TRIM54: variants seen among roughly 807,000 people sequenced by gnomAD.
TRIM54 encodes the protein tripartite motif containing 54, also known as tripartite motif-containing protein 54.
A neutral mutation model predicts 42.0 loss-of-function variants in TRIM54; 40 were observed. The ratio of observed to expected loss-of-function variants is 0.95; its 90% CI spans 0.74 to 1.24. The LOEUF is 1.24. Among genes scored for constraint, TRIM54 ranks in the 50% most tolerant of loss-of-function variants. The pLI, the probability that TRIM54 is intolerant of heterozygous loss-of-function variation, is 0.00. For missense variants in TRIM54, 485 were observed against 480.3 expected (o/e 1.01, Z -0.09); for synonymous variants, 199 against 194.9 (o/e 1.02, Z -0.17).
chr2:27,299,614 G>T, intron 3 of TRIM54, 198 bp downstream of exon 3: 1 of 1,163,574 alleles, frequency 8.6e-7, no homozygotes, highest in Non-Finnish European at 1.2e-6. Flanking sequence ...GAGCTCAAGT[G>T]ATCCTCCCAT....
Position 27,306,324 on chromosome 2 carries a change from C to G in TRIM54, c.978C>G (p.Ile326Met), listed in dbSNP as rs777358406. ...ACGTGGCCGAAATGCTGCGGACCAT[C>G]GACTTCCAGCCAGGTGAAGGAGGTG... ...VEHVAEMLRT[I>M]DFQPGASGEE... is the part of the protein sequence containing the mutation. The change falls in exon 7 of 9, where the codon ATC (isoleucine) becomes ATG (methionine). Residue 326 changes from isoleucine to methionine, a missense_variant. Physicochemically the swap from Ile to Met is conservative, Grantham distance 10. Coordinates refer to ENST00000380075, the MANE Select transcript of TRIM54 (RefSeq NM_187841.3). The surrounding 1 kb of genome is among the most constrained non-coding windows in gnomAD (Gnocchi z 6.1). 8 of 1,614,006 alleles carry G rather than the reference C, an allele frequency of 5.0e-6. No homozygotes were observed. The East Asian group carries it at 1.3e-4, about 27-fold the overall frequency.
intron 1 of TRIM54, among the ~76,000 whole-genome samples, chr2:27,284,211 C>T (rs1179372493): frequency 6.6e-6 from 1 of 152,170 alleles, no homozygotes; most frequent in African/African-American, 2.4e-5. Flanking sequence ...CATGGAACAT[C>T]CCAAACAAGT....
At chr2:27,291,989 G>A (rs964395280) in intron 1 of TRIM54, among the ~76,000 whole-genome samples, 1 of 152,044 alleles carries the variant, frequency 6.6e-6, no homozygotes, top group African/African-American at 2.4e-5. Flanking sequence ...CCTGCACCCT[G>A]AGCTCACACA....
In TRIM54 at chr2:27,306,506, G is replaced by A; in HGVS notation, c.1042G>A (p.Ala348Thr). The A allele has an allele frequency of 1.3e-6, 2 of 1,573,740 alleles. No homozygotes were observed. Among genetic ancestry groups the A allele is most frequent in the South Asian group, 1.1e-5 (1 of 86,992 alleles). ...GGCCCCAGACGGAGAGGAGGGCAGC[G>A]CGGGGCCGGAGGAAGAGCGGCCGGA... is the stretch of plus-strand genomic sequence containing the variant. ...EVAPDGEEGS[A>T]GPEEERPDGP The change falls in exon 8 of 9, where the codon GCG (alanine) becomes ACG (threonine). Residue 348 changes from alanine to threonine, a missense_variant. By Grantham distance (58) the Ala-to-Thr change is moderately conservative. Transcript: ENST00000380075. This position sits in a 1 kb window ranked among gnomAD's most constrained non-coding sequence, Gnocchi z 6.1.
intron 1 of TRIM54, among the ~76,000 whole-genome samples, chr2:27,283,954 A>G (rs1021795949): frequency 6.6e-6 from 1 of 152,080 alleles, no homozygotes; most frequent in African/African-American, 2.4e-5. Flanking sequence ...CCAATATGGT[A>G]AAACCCCATC....
At chr2:27,304,223 T>TATATATAG (rs1242375796) in intron 3 of TRIM54, among the ~76,000 whole-genome samples, 7 of 139,212 alleles carry the variant, frequency 5.0e-5, no homozygotes, top group African/African-American at 8.5e-5. Flanking sequence ...AATATATATA[T>TATATATAG]ATAGATAGAT....
At chr2:27,305,953 C>G in intron 5 of TRIM54, 127 bp from the exon 6 acceptor site, 1 of 1,415,654 alleles carries the variant, frequency 7.1e-7, no homozygotes, top group South Asian at 1.3e-5. Context: ...CCTCTGAGTT[C>G]GTTTTCTGCT....
At chr2:27,294,630 G>A (rs961967852) in intron 1 of TRIM54, among the ~76,000 whole-genome samples, 9 of 151,968 alleles carry the variant, frequency 5.9e-5, no homozygotes, top group East Asian at 1.9e-4. Flanking sequence ...GGTGGCTCAC[G>A]CCTGTAATCC....
At position 27,305,662 on chromosome 2, in the gene TRIM54, G is replaced by A; in HGVS notation, c.688G>A (p.Glu230Lys). Residue 230 changes from glutamate (E) to lysine (K), a missense_variant, in exon 5 of 9, where the codon GAG becomes AAG. Transcript: ENST00000380075. ...LCAVLEERKG[E>K]LLQALAREQE... The stretch of plus-strand genomic sequence containing the variant: ...CGCAGTGCTGGAGGAGCGCAAGGGT[G>A]AGCTGCTGCAGGCGCTGGCCCGGGA... The A allele has an allele frequency of 1.9e-6, 3 of 1,613,618 alleles. No homozygotes were observed. The East Asian group carries it at 6.7e-5, about 36-fold the overall frequency.
Position 27,306,638 on chromosome 2 carries a change from C to CCTTAAGGTGAGAGCCGCCCGATGGG in TRIM54, c.*1+97_*1+98insTTAAGGTGAGAGCCGCCCGATGGGC. ...CTCGCGTCCCCTCCCCCAGTGATTGCCCTCCCTGCGGGTAGCGTGGAGCCC... is the reference window on the plus strand; with the variant it reads ...CTCGCGTCCCCTCCCCCAGTGATTGCCTTAAGGTGAGAGCCGCCCGATGGGCCTCCCTGCGGGTAGCGTGGAGCCC... On this transcript the variant is annotated intron_variant, in intron 8 of 8. Transcript: ENST00000380075. This position sits in a 1 kb window ranked among gnomAD's most constrained non-coding sequence, Gnocchi z 6.1. 7.9e-7 allele frequency: 1 copy of CCTTAAGGTGAGAGCCGCCCGATGGG among 1,266,538 alleles called. No individual in the cohort carries two copies. Among genetic ancestry groups the CCTTAAGGTGAGAGCCGCCCGATGGG allele is most frequent in the East Asian group, 2.5e-5 (1 of 39,308 alleles). 78.5% of individuals were successfully genotyped at this position (1,266,538 alleles called of 1,614,324 possible).
chr2:27,290,854 G>C (rs2148191840), intron 1 of TRIM54, among the ~76,000 whole-genome samples: 1 of 152,096 alleles, frequency 6.6e-6, no homozygotes, highest in South Asian at 2.1e-4. Flanking sequence ...ACCTATAAGG[G>C]GCAACAATTT....
intron 1 of TRIM54, among the ~76,000 whole-genome samples, chr2:27,293,776 C>CT (rs1448545344): frequency 6.6e-6 from 1 of 152,142 alleles, no homozygotes; most frequent in African/African-American, 2.4e-5. Flanking sequence ...AATCCCAGCA[C>CT]TTTGGGAGGC....
intron 1 of TRIM54, among the ~76,000 whole-genome samples, chr2:27,293,526 G>A (rs1678777680): frequency 6.6e-6 from 1 of 152,124 alleles, no homozygotes; most frequent in African/African-American, 2.4e-5. Flanking sequence ...AGACAAACAG[G>A]TCATTCTGGT....
chr2:27,293,894 G>A (rs1180079335), intron 1 of TRIM54, among the ~76,000 whole-genome samples: 4 of 151,862 alleles, frequency 2.6e-5, no homozygotes, highest in South Asian at 2.1e-4. Flanking sequence ...ATGGTGGCAC[G>A]TGCCTGTACT....
At chr2:27,298,006 G>A (rs545960989) in intron 1 of TRIM54, among the ~76,000 whole-genome samples, 42 of 146,656 alleles carry the variant, frequency 2.9e-4, no homozygotes, top group African/African-American at 8.5e-4. Context: ...AAAAAAGGCC[G>A]GGGGGAGGGC....
At position 27,282,769 on chromosome 2, in the gene TRIM54, A is replaced by T. The variant is rs534517671; in HGVS notation, c.38A>T (p.Asp13Val). ...GTGGGTTTCAAGCCGCTGCTAGGGGATGCACACAGCATGGACAACCTGGAG... is the reference window on the plus strand; with the variant it reads ...GTGGGTTTCAAGCCGCTGCTAGGGGTTGCACACAGCATGGACAACCTGGAG... Reference protein sequence around the residue: ...FTVGFKPLLGDAHSMDNLEKQ... With the variant: ...FTVGFKPLLGVAHSMDNLEKQ... The change falls in exon 1 of 9, where the codon GAT (aspartate) becomes GTT (valine). Residue 13 changes from aspartate (D) to valine (V), a missense_variant. Physicochemically the swap from Asp to Val is radical, Grantham distance 152. Coordinates refer to ENST00000380075, the MANE Select transcript of TRIM54 (RefSeq NM_187841.3). The T allele has an allele frequency of 1.2e-6, 2 of 1,613,260 alleles. No individual in the cohort carries two copies. The highest frequency in any genetic ancestry group is 2.2e-5 in the East Asian group (1 of 44,736).
chr2:27,301,276 ATTACAGGCATCC>A (rs1246857014), intron 3 of TRIM54, among the ~76,000 whole-genome samples: 2 of 151,718 alleles, frequency 1.3e-5, no homozygotes, highest in African/African-American at 4.8e-5. Context: ...AGTATCTGGG[ATTACAGGCATCC>A]GCCACCATGA....
intron 3 of TRIM54, among the ~76,000 whole-genome samples, chr2:27,304,145 G>A (rs997839093): frequency 8.6e-5 from 13 of 151,930 alleles, no homozygotes; most frequent in Middle Eastern, 3.4e-3. Flanking sequence ...CTGGAAGGTC[G>A]AGGCTGCAGT....
intron 1 of TRIM54, among the ~76,000 whole-genome samples, chr2:27,285,051 T>C (rs1678518863): frequency 6.6e-6 from 1 of 152,160 alleles, no homozygotes; most frequent in Non-Finnish European, 1.5e-5. Context: ...TACCCAGGGC[T>C]TTGGGGTGGC....
Sources: allele counts gnomAD v4.1 joint callset (sites outside exome capture counted in the v4.1 genomes callset), GRCh38; gene constraint gnomAD v4.1.1; non-coding constraint Gnocchi (gnomAD v3.1); transcripts MANE v1.5; gene names NCBI Gene and HGNC (gene_info 2026-07-23, HGNC 2026-07-21).